FBXL2: variants seen among roughly 807,000 people sequenced by gnomAD.
The protein encoded by FBXL2 is F-box and leucine rich repeat protein 2, also known as F-box/LRR-repeat protein 2.
FBXL2 carries 38 observed loss-of-function variants against 69.2 expected under a neutral mutation model. The observed-to-expected ratio is 0.55, with a 90% CI of 0.42 to 0.72. The LOEUF is 0.72. FBXL2 is among the 30% of genes least tolerant of loss of function. The pLI, the probability that FBXL2 is intolerant of heterozygous loss-of-function variation, is 0.00. For missense variants in FBXL2, 354 were observed against 520.3 expected, an observed-to-expected ratio of 0.68 and a Z score of 3.11; for synonymous variants, 192 against 201.3, an observed-to-expected ratio of 0.95 and a Z score of 0.39.
At position 33,387,962 on chromosome 3, in the gene FBXL2, CAGGA is replaced by C. The variant is rs1165233394; in HGVS notation, c.*2355_*2358del. The C allele has an allele frequency of 1.3e-5, 2 of 150,072 alleles. No homozygotes were observed. The highest frequency in any genetic ancestry group is 3.0e-5 in the Non-Finnish European group (2 of 67,772). 9.3% of individuals were successfully genotyped at this position (150,072 alleles called of 1,614,324 possible). On this transcript the variant is annotated 3_prime_UTR_variant, in exon 15 of 15. Transcript: ENST00000484457. ...GCGGGTGCCTGTAGTCCCAGCTACT[CAGGA>C]GACTGAGGCAGAAGAATGGCGTGAA...
chr3:33,358,045 C>T (rs1331820273), intron 2 of FBXL2, among the ~76,000 whole-genome samples: 1 of 152,104 alleles, frequency 6.6e-6, no homozygotes, highest in Non-Finnish European at 1.5e-5. Context: ...ATCTCACCAC[C>T]GATTGTTGCC....
chr3:33,380,128 G>A (rs1419610551), intron 13 of FBXL2, among the ~76,000 whole-genome samples: 1 of 150,716 alleles, frequency 6.6e-6, no homozygotes, highest in East Asian at 2.0e-4. Flanking sequence ...TGGAGGCTGA[G>A]ACAGGGGAAC....
chr3:33,324,706 C>G (rs2038540978), intron 2 of FBXL2, among the ~76,000 whole-genome samples: 1 of 152,090 alleles, frequency 6.6e-6, no homozygotes, highest in Non-Finnish European at 1.5e-5. Flanking sequence ...GTTACTGTAG[C>G]CTTGTAGTAT....
At chr3:33,328,582 G>C (rs1009002977) in intron 2 of FBXL2, among the ~76,000 whole-genome samples, 1 of 152,086 alleles carries the variant, frequency 6.6e-6, no homozygotes, top group Non-Finnish European at 1.5e-5. Flanking sequence ...ACGGCACCAA[G>C]AACATAAAAT....
At chr3:33,310,858 T>G (rs1160796069) in intron 2 of FBXL2, among the ~76,000 whole-genome samples, 3 of 152,134 alleles carry the variant, frequency 2.0e-5, no homozygotes, top group Admixed American at 2.0e-4. Context: ...CAATGTAACC[T>G]CCGCCTCCTG....
rs574443397 is a variant in FBXL2 at position 33,296,622 on chromosome 3, C to A, written c.4-1042C>A. On this transcript the variant is annotated intron_variant, in intron 1 of 14. Transcript: ENST00000484457. ...ATATCCAGTTGTACCAGTACCATTT[C>A]TTGAAAAGACTTCTTTCTCCATTTA... Among the ~76,000 whole-genome samples the A allele has an allele frequency of 5.9e-5, 9 of 152,224 alleles. No homozygotes were observed. The East Asian group carries it at 1.2e-3, about 20-fold the overall frequency.
rs564484381 is a variant in FBXL2, at chr3:33,288,540, C to G, written c.4-9124C>G. 4.1e-4 allele frequency among the ~76,000 whole-genome samples: 62 copies of G among 152,258 alleles called. 2 individuals are homozygous for G. In the South Asian group the frequency reaches 0.013, roughly 31 times the overall value. On this transcript the variant is annotated intron_variant, in intron 1 of 14. Transcript: ENST00000484457. ...ATGTAGAATAGAAGGGAAGGCCTCT[C>G]TGATAAAGTGACATTTGAGCAGAGG...
At chr3:33,335,435 G>A (rs2039501973) in intron 2 of FBXL2, among the ~76,000 whole-genome samples, 1 of 152,012 alleles carries the variant, frequency 6.6e-6, no homozygotes, top group Admixed American at 6.6e-5. Context: ...ATGATGTATT[G>A]TTGTCAAGTA....
the FBXL2 span, chr3:33,411,449 T>G: frequency 7.1e-6 from 5 of 708,462 alleles, no homozygotes; most frequent in Non-Finnish European, 2.4e-6. Flanking sequence ...AACCTAACTA[T>G]GTATATAGAA....
At chr3:33,374,264 A>G (rs924952530) in intron 9 of FBXL2, among the ~76,000 whole-genome samples, 9 of 152,176 alleles carry the variant, frequency 5.9e-5, no homozygotes, top group Non-Finnish European at 8.8e-5. Flanking sequence ...TTTTTAACTT[A>G]TAAATTAAGG....
chr3:33,366,169 A>T (rs950802834), intron 5 of FBXL2, among the ~76,000 whole-genome samples: 3 of 152,214 alleles, frequency 2.0e-5, no homozygotes, highest in Non-Finnish European at 2.9e-5. Flanking sequence ...TCCATCACTC[A>T]TATAAAGCAC....
At position 33,393,342 on chromosome 3, in the gene FBXL2, G is replaced by A. The variant is rs775600873; in HGVS notation, n.1214+7614G>A. ...CACTAACAAGAATGTGAATACCGGT[G>A]GGACCCTGTCTGTAAACCTGATTAA... On this transcript the variant is annotated intron_variant and non_coding_transcript_variant, in intron 12 of 12. Coordinates refer to the FBXL2 transcript ENST00000463736. 5.0e-6 allele frequency: 8 copies of A among 1,610,002 alleles called. No individual in the cohort carries two copies. In the East Asian group the frequency reaches 1.8e-4, roughly 36 times the overall value.
intron 12 of FBXL2, among the ~76,000 whole-genome samples, chr3:33,401,623 C>A (rs1000872636): frequency 2.0e-5 from 3 of 152,214 alleles, no homozygotes; most frequent in Admixed American, 2.0e-4. Flanking sequence ...CCTTTCTTAG[C>A]CCCCGTGCCT....
Position 33,277,490 on chromosome 3 carries a change from G to C in FBXL2, c.-23G>C, listed in dbSNP as rs1245860348. The C allele has an allele frequency of 7.7e-7, 1 of 1,295,526 alleles. No individual in the cohort carries two copies. The allele number at this position is 1,295,526 out of a possible 1,614,324, so 80.3% of individuals were successfully genotyped here. On this transcript the variant is annotated 5_prime_UTR_variant, in exon 1 of 15. Transcript: ENST00000484457. ...CGGCGCCGTGTGACTTCGGGCTGTGGGCTCGCTCGCGGCTCTTCGGCCATG... is the reference window on the plus strand; with the variant it reads ...CGGCGCCGTGTGACTTCGGGCTGTGCGCTCGCTCGCGGCTCTTCGGCCATG...
the FBXL2 span, among the ~76,000 whole-genome samples, chr3:33,410,459 G>A: frequency 6.6e-6 from 1 of 152,144 alleles, no homozygotes; most frequent in African/African-American, 2.4e-5. Flanking sequence ...AATATTCAAC[G>A]GATATAAACC....
chr3:33,331,409 G>C (rs2039152637), intron 2 of FBXL2, among the ~76,000 whole-genome samples: 1 of 152,010 alleles, frequency 6.6e-6, no homozygotes, highest in African/African-American at 2.4e-5. Context: ...TGAGGTCTTT[G>C]AGCCTGAGGA....
At chr3:33,375,546 T>A (rs1302076781) in intron 10 of FBXL2, 128 bp downstream of exon 10, 2 of 1,085,684 alleles carry the variant, frequency 1.8e-6, no homozygotes, top group Non-Finnish European at 2.6e-6. Context: ...GTTGTTGGCT[T>A]TTGTTGGGTA....
chr3:33,329,913 A>G (rs983397520), intron 2 of FBXL2, among the ~76,000 whole-genome samples: 50 of 152,228 alleles, frequency 3.3e-4, no homozygotes, highest in African/African-American at 1.2e-3. Context: ...CAGGAGTTCA[A>G]GGTTGCAGTG....
At chr3:33,401,064 T>C (rs753562791) in intron 12 of FBXL2, 11 of 1,524,202 alleles carry the variant, frequency 7.2e-6, no homozygotes, top group Non-Finnish European at 2.7e-6. Flanking sequence ...ATAATACATA[T>C]ATGTTTTAAT....
Sources: allele counts gnomAD v4.1 joint callset (sites outside exome capture counted in the v4.1 genomes callset), GRCh38; gene constraint gnomAD v4.1.1; transcripts MANE v1.5; gene names NCBI Gene and HGNC (gene_info 2026-07-23, HGNC 2026-07-21).